USP44: variants seen among roughly 807,000 people sequenced by gnomAD.
USP44 encodes ubiquitin specific peptidase 44.
In USP44, 61 loss-of-function variants were observed where a neutral mutation model predicts 69.0. The observed-to-expected ratio is 0.88, with a 90% confidence interval of 0.72 to 1.09. USP44 has a LOEUF of 1.09. Ranked by LOEUF, USP44 falls within the 50% of genes least tolerant of loss-of-function variation. USP44 has a pLI of 0.00. For missense variants in USP44, 753 were observed against 849.9 expected, an observed-to-expected ratio of 0.89 and a Z score of 1.42; for synonymous variants, 297 against 295.4, an observed-to-expected ratio of 1.01 and a Z score of -0.06.
chr12:95,542,503 C>T (rs1215863658), intron 1 of USP44, among the ~76,000 whole-genome samples: 3 of 152,156 alleles, frequency 2.0e-5, no homozygotes, highest in Non-Finnish European at 2.9e-5. Flanking sequence ...CAGTGGCTTA[C>T]GCTTGTAATC....
At chr12:95,532,775 G>A in intron 2 of USP44, 54 bp downstream of exon 2, 1 of 1,459,348 alleles carries the variant, frequency 6.9e-7, no homozygotes, top group East Asian at 2.3e-5. Flanking sequence ...CCTTTTTATA[G>A]GCTACACTTT....
At chr12:95,538,594 G>C (rs1179366346) in intron 1 of USP44, among the ~76,000 whole-genome samples, 1 of 152,082 alleles carries the variant, frequency 6.6e-6, no homozygotes. Context: ...CGTGAAACCA[G>C]AATAGTGGAA....
At chr12:95,519,432 ATTTTTTTTT>A (rs60940181) in intron 5 of USP44, among the ~76,000 whole-genome samples, 2 of 84,542 alleles carry the variant, frequency 2.4e-5, no homozygotes, top group Admixed American at 1.6e-4. Context: ...CTCAATCTGT[ATTTTTTTTT>A]TTTTTTTTTT....
At chr12:95,540,252 G>A (rs189113142) in intron 1 of USP44, among the ~76,000 whole-genome samples, 22 of 152,008 alleles carry the variant, frequency 1.4e-4, no homozygotes, top group African/African-American at 4.3e-4. Flanking sequence ...GCTTTTTATC[G>A]GGTATTTTTC....
chr12:95,548,128 A>C lies in USP44; in HGVS notation c.-71+3144T>G, dbSNP rs955480480. On this transcript the variant is annotated intron_variant, in intron 1 of 5. Transcript: ENST00000258499. The surrounding 1 kb of genome is among the most constrained non-coding windows in gnomAD (Gnocchi z 4.1). ...TTTAGGAAGCTGATTTTCAAGCTTT[A>C]AGCGGCAGCAGGTGCCGGCAGCGCG... 1.3e-5 allele frequency: 2 copies of C among 152,268 alleles called. No homozygotes were observed. The highest frequency in any genetic ancestry group is 2.9e-5 in the Non-Finnish European group (2 of 68,094). 9.4% of individuals were successfully genotyped at this position (152,268 alleles called of 1,614,324 possible).
At chr12:95,539,378 AC>A (rs1182682389) in intron 1 of USP44, among the ~76,000 whole-genome samples, 1 of 151,996 alleles carries the variant, frequency 6.6e-6, no homozygotes, top group Non-Finnish European at 1.5e-5. Flanking sequence ...GGCGCCTGCC[AC>A]CACACCCAGC....
intron 3 of USP44, among the ~76,000 whole-genome samples, chr12:95,527,814 A>G (rs1043239711): frequency 2.1e-4 from 30 of 140,098 alleles, no homozygotes; most frequent in African/African-American, 7.6e-4. Flanking sequence ...GGTTTTATAC[A>G]CTGTTTCCTT....
chr12:95,533,127 T>G lies in USP44; in HGVS notation c.1130A>C (p.Gln377Pro). ...ELIQPKEPTS[Q>P]YISLCHELHT... The stretch of plus-strand genomic sequence containing the variant: ...CAATTCATGACAAAGAGAAATGTAC[T>G]GTGAAGTTGGCTCCTTTGGCTGAAT... Residue 377 changes from glutamine to proline, a missense_variant, in exon 2 of 6, where the codon CAG becomes CCG. Coordinates refer to ENST00000258499, the MANE Select transcript of USP44 (RefSeq NM_032147.5). The G allele has an allele frequency of 6.2e-7, 1 of 1,614,258 alleles. No homozygotes were observed. The highest frequency in any genetic ancestry group is 8.5e-7 in the Non-Finnish European group (1 of 1,180,048).
intron 1 of USP44, among the ~76,000 whole-genome samples, chr12:95,549,705 C>A (rs2077687896): frequency 6.6e-6 from 1 of 152,144 alleles, no homozygotes; most frequent in Non-Finnish European, 1.5e-5. Context: ...ATATGTAAGA[C>A]AAGGTATAAA....
Position 95,533,944 on chromosome 12 carries a change from T to C in USP44, c.313A>G (p.Ile105Val), listed in dbSNP as rs756261847. Reference protein sequence around the residue: ...LKLLRRTLSAIKSQNYHCTTR... With the variant: ...LKLLRRTLSAVKSQNYHCTTR... ...GTGCAGTGATAATTTTGACTTTTGA[T>C]GGCACTTAATGTACGTCGTAGTAAC... Residue 105 changes from isoleucine to valine, a missense_variant, in exon 2 of 6, where the codon ATC becomes GTC. Ile to Val is a conservative substitution (Grantham distance 29, BLOSUM62 3). Coordinates refer to ENST00000258499, the MANE Select transcript of USP44 (RefSeq NM_032147.5). 3.7e-6 allele frequency: 6 copies of C among 1,614,062 alleles called. No individual in the cohort carries two copies. Among genetic ancestry groups the C allele is most frequent in the Non-Finnish European group, 5.1e-6 (6 of 1,180,042 alleles).
At chr12:95,528,687 T>C (rs2076927683) in intron 3 of USP44, 120 bp downstream of exon 3, 4 of 1,020,430 alleles carry the variant, frequency 3.9e-6, no homozygotes, top group Admixed American at 2.9e-5. Context: ...TCTGTTTCTT[T>C]TGATGAACTG....
rs767387415 is a variant in USP44 at position 95,524,644 on chromosome 12, A to C, written c.1733+36T>G. On this transcript the variant is annotated intron_variant, in intron 4 of 5. Transcript: ENST00000258499. ...TAAGTTTTGAAGCATTATAAGCACA[A>C]GGAATGATAACTTTGCAACTGGTCC... The C allele has an allele frequency of 4.7e-6, 7 of 1,490,652 alleles. No individual in the cohort carries two copies. In the African/African-American group the frequency reaches 9.9e-5, roughly 21 times the overall value. 92.3% of individuals were successfully genotyped at this position (1,490,652 alleles called of 1,614,324 possible).
chr12:95,527,754 G>C (rs2076892035), intron 3 of USP44, among the ~76,000 whole-genome samples: 1 of 151,970 alleles, frequency 6.6e-6, no homozygotes, highest in African/African-American at 2.4e-5. Flanking sequence ...CAAAGTGTTA[G>C]GATTACAGGC....
At chr12:95,549,366 A>G (rs1403455346) in intron 1 of USP44, among the ~76,000 whole-genome samples, 2 of 152,194 alleles carry the variant, frequency 1.3e-5, no homozygotes, top group Non-Finnish European at 2.9e-5. Context: ...GGGCACAGGA[A>G]GGGAACCGCT....
intron 1 of USP44, among the ~76,000 whole-genome samples, chr12:95,544,626 C>CA (rs754222987): frequency 4.0e-5 from 6 of 151,570 alleles, no homozygotes; most frequent in African/African-American, 7.3e-5. Context: ...AATAAACACA[C>CA]AAAAAAGTCA....
intron 1 of USP44, among the ~76,000 whole-genome samples, chr12:95,541,357 A>G (rs2077383596): frequency 6.6e-6 from 1 of 152,162 alleles, no homozygotes; most frequent in Non-Finnish European, 1.5e-5. Context: ...TTGGGAGGCC[A>G]AAGTGGGCAG....
chr12:95,520,873 C>T, intron 5 of USP44, 124 bp downstream of exon 5: 1 of 828,916 alleles, frequency 1.2e-6, no homozygotes, highest in Non-Finnish European at 1.9e-6. Context: ...GAGGCATTCT[C>T]CCTAAGAAAA....
intron 4 of USP44, among the ~76,000 whole-genome samples, chr12:95,523,528 T>C (rs1251147816): frequency 6.6e-6 from 1 of 151,846 alleles, no homozygotes; most frequent in Non-Finnish European, 1.5e-5. Context: ...GTTGTAAGAG[T>C]ATGGTAGGAG....
At chr12:95,545,862 AGG>A (rs2077552916) in intron 1 of USP44, among the ~76,000 whole-genome samples, 2 of 152,182 alleles carry the variant, frequency 1.3e-5, no homozygotes, top group Admixed American at 6.5e-5. Flanking sequence ...ATCCCTAGAA[AGG>A]CCCTGGTTAT....
Sources: gnomAD v4.1 joint callset for allele counts (sites outside exome capture counted in the v4.1 genomes callset) on GRCh38, gnomAD v4.1.1 for gene constraint, Gnocchi (gnomAD v3.1) non-coding constraint, MANE v1.5 for transcripts, NCBI Gene and HGNC (gene_info 2026-07-23, HGNC 2026-07-21) for gene names.